Variants in DROSHA observed in about 807,000 individuals in gnomAD.
DROSHA encodes the protein drosha ribonuclease III, also known as ribonuclease 3.
In DROSHA, 56 loss-of-function variants were observed where a neutral mutation model predicts 181.9. The ratio of observed to expected loss-of-function variants is 0.31; its 90% CI spans 0.25 to 0.38. The LOEUF (loss-of-function observed/expected upper bound fraction) is 0.38, where lower values mean the gene tolerates loss of function less well. Among genes scored for constraint, DROSHA ranks in the 10% least tolerant of loss-of-function variants. The pLI is 1.00. For missense variants in DROSHA, 1,218 were observed against 1,743.5 expected (o/e 0.70, Z 5.37); for synonymous variants, 524 against 591.2 (o/e 0.89, Z 1.65).
chr5:31,431,900 C>T (rs1000159002), intron 25 of DROSHA, among the ~76,000 whole-genome samples: 1 of 152,156 alleles, frequency 6.6e-6, no homozygotes, highest in Non-Finnish European at 1.5e-5. Flanking sequence ...AAACAGGCTT[C>T]TACAAACTCC....
At chr5:31,503,888 C>T (rs546068236) in intron 11 of DROSHA, among the ~76,000 whole-genome samples, 70 of 152,196 alleles carry the variant, frequency 4.6e-4, no homozygotes, top group African/African-American at 1.6e-3. Context: ...TTGTTGAGCC[C>T]TCAAACAAGT....
At chr5:31,478,908 CACTACTAGA>C (rs1313539659) in intron 16 of DROSHA, among the ~76,000 whole-genome samples, 3 of 152,158 alleles carry the variant, frequency 2.0e-5, no homozygotes, top group African/African-American at 7.2e-5. Context: ...CACATAATTT[CACTACTAGA>C]ACTCTACCTT....
chr5:31,401,201 G>T lies in DROSHA; in HGVS notation c.*231C>A. The T allele has an allele frequency of 2.1e-6, 1 of 471,118 alleles. No homozygotes were observed. Among genetic ancestry groups the T allele is most frequent in the Non-Finnish European group, 3.9e-6 (1 of 258,316 alleles). 29.2% of individuals were successfully genotyped at this position (471,118 alleles called of 1,614,324 possible). On this transcript the variant is annotated 3_prime_UTR_variant, in exon 36 of 36. Coordinates refer to ENST00000344624, the MANE Select transcript of DROSHA (RefSeq NM_001382508.1). ...AAAGAGCAAAATAAAAGGAAGTAAT[G>T]CACATTCACCAAAGTCAAGTTTTCC...
chr5:31,450,464 C>A (rs995837441), intron 21 of DROSHA, among the ~76,000 whole-genome samples: 1 of 152,078 alleles, frequency 6.6e-6, no homozygotes, highest in Non-Finnish European at 1.5e-5. Flanking sequence ...ATAAAGAAAA[C>A]GTGGTATACA....
chr5:31,439,239 T>A (rs1745250853), intron 23 of DROSHA, among the ~76,000 whole-genome samples: 1 of 152,198 alleles, frequency 6.6e-6, no homozygotes, highest in Non-Finnish European at 1.5e-5. Flanking sequence ...AAACAAGTCA[T>A]AAGTTTTAAA....
At chr5:31,464,430 T>C in intron 19 of DROSHA, 87 bp from the exon 20 acceptor site, 1 of 1,138,244 alleles carries the variant, frequency 8.8e-7, no homozygotes, top group South Asian at 1.4e-5. Context: ...TAAGTTGGAT[T>C]CATTTAATAT....
chr5:31,433,690 GC>G (rs1744465646), intron 25 of DROSHA, among the ~76,000 whole-genome samples: 1 of 152,012 alleles, frequency 6.6e-6, no homozygotes, highest in African/African-American at 2.4e-5. Flanking sequence ...GACTACAGGC[GC>G]CTGCCACCAC....
At chr5:31,495,515 G>A in intron 11 of DROSHA, 143 bp from the exon 12 acceptor site, 3 of 760,448 alleles carry the variant, frequency 3.9e-6, no homozygotes, top group Non-Finnish European at 6.1e-6. Flanking sequence ...GAACAGTATT[G>A]GCTTTGCCAT....
intron 8 of DROSHA, among the ~76,000 whole-genome samples, chr5:31,512,905 G>A (rs1446690811): frequency 6.6e-6 from 1 of 152,170 alleles, no homozygotes; most frequent in African/African-American, 2.4e-5. Flanking sequence ...CAACCTGAAT[G>A]AGCAAGAAAA....
chr5:31,447,799 A>G (rs1258584085), intron 23 of DROSHA, among the ~76,000 whole-genome samples: 1 of 152,228 alleles, frequency 6.6e-6, no homozygotes, highest in Non-Finnish European at 1.5e-5. Flanking sequence ...CCATAATGAG[A>G]TAATACTTCA....
At chr5:31,472,568 T>C (rs1749855592) in intron 16 of DROSHA, among the ~76,000 whole-genome samples, 1 of 152,222 alleles carries the variant, frequency 6.6e-6, no homozygotes, top group Non-Finnish European at 1.5e-5. Flanking sequence ...GTTTATAATA[T>C]ACAGAACCAT....
At chr5:31,426,735 G>A (rs572940645) in intron 27 of DROSHA, among the ~76,000 whole-genome samples, 2 of 152,226 alleles carry the variant, frequency 1.3e-5, no homozygotes, top group Admixed American at 6.5e-5. Flanking sequence ...TAAATGCTAC[G>A]TTATGTAGTA....
intron 20 of DROSHA, among the ~76,000 whole-genome samples, chr5:31,453,316 C>A (rs1016686486): frequency 2.6e-5 from 4 of 152,146 alleles, no homozygotes; most frequent in Admixed American, 2.6e-4. Context: ...CCACCTCAGC[C>A]ACCAAACCCC....
In DROSHA at chr5:31,470,812, T is replaced by C. The variant is rs547788583; in HGVS notation, c.2241+1251A>G. Among the ~76,000 whole-genome samples, 1 of 152,186 alleles carries C rather than the reference T, an allele frequency of 6.6e-6. No homozygotes were observed. The highest frequency in any genetic ancestry group is 1.9e-4 in the East Asian group (1 of 5,170). On this transcript the variant is annotated intron_variant, in intron 17 of 35. Transcript: ENST00000344624. This position sits in a 1 kb window ranked among gnomAD's most constrained non-coding sequence, Gnocchi z 4.0. ...CTCCCCCCGTGTCTACCACAGAACA[T>C]GGAACTCTCCAAGTGGAACCACCCA...
At chr5:31,416,751 A>T (rs1486496326) in intron 30 of DROSHA, among the ~76,000 whole-genome samples, 3 of 152,216 alleles carry the variant, frequency 2.0e-5, no homozygotes, top group African/African-American at 7.2e-5. Flanking sequence ...GTGCAGAGTG[A>T]GAACAAGAGC....
intron 6 of DROSHA, 143 bp from the exon 7 acceptor site, chr5:31,515,707 T>A: frequency 8.5e-7 from 1 of 1,180,576 alleles, no homozygotes; most frequent in Admixed American, 2.7e-5. Context: ...AGGGTCTCAA[T>A]ATGGCCATAA....
At chr5:31,496,949 C>T (rs1412811854) in intron 11 of DROSHA, among the ~76,000 whole-genome samples, 1 of 152,226 alleles carries the variant, frequency 6.6e-6, no homozygotes, top group Non-Finnish European at 1.5e-5. Flanking sequence ...TGGGGCATGC[C>T]TCCTCATCTG....
At chr5:31,434,985 A>T (rs570346966) in intron 25 of DROSHA, among the ~76,000 whole-genome samples, 2 of 152,320 alleles carry the variant, frequency 1.3e-5, no homozygotes, top group East Asian at 1.9e-4. Context: ...TAAAACTCAT[A>T]ATCTCATTTA....
intron 6 of DROSHA, 143 bp from the exon 7 acceptor site, chr5:31,515,707 T>C: frequency 8.5e-7 from 1 of 1,180,576 alleles, no homozygotes; most frequent in South Asian, 1.7e-5. Context: ...AGGGTCTCAA[T>C]ATGGCCATAA....
Sources: gnomAD v4.1 joint callset for allele counts (sites outside exome capture counted in the v4.1 genomes callset) on GRCh38, gnomAD v4.1.1 for gene constraint, Gnocchi (gnomAD v3.1) non-coding constraint, MANE v1.5 for transcripts, NCBI Gene and HGNC (gene_info 2026-07-23, HGNC 2026-07-21) for gene names.